AGBL4: variants seen among roughly 807,000 people sequenced by gnomAD.
AGBL4 encodes cytosolic carboxypeptidase 6.
A neutral mutation model predicts 66.4 loss-of-function variants in AGBL4; 58 were observed. The observed-to-expected ratio is 0.87, with a 90% CI of 0.71 to 1.09. The LOEUF (loss-of-function observed/expected upper bound fraction) is 1.09. Ranked by LOEUF, AGBL4 falls within the 50% of genes least tolerant of loss-of-function variation. The probability of loss-of-function intolerance (pLI) is 0.00; values close to 1 mark genes in which losing one functional copy is unlikely to be tolerated. For missense variants in AGBL4, 579 were observed against 631.0 expected (o/e 0.92, Z 0.88); for synonymous variants, 234 against 222.9 (o/e 1.05, Z -0.44).
chr1:48,838,755 A>G (rs1044570976), intron 6 of AGBL4, among the ~76,000 whole-genome samples: 17 of 152,198 alleles, frequency 1.1e-4, no homozygotes, highest in African/African-American at 3.9e-4. Flanking sequence ...GAGACAAACT[A>G]CAGAGTGGGG....
chr1:49,989,592 C>G (rs1172430728), intron 1 of AGBL4, among the ~76,000 whole-genome samples: 1 of 152,100 alleles, frequency 6.6e-6, no homozygotes, highest in Admixed American at 6.6e-5. Context: ...CTCAAAAATG[C>G]CCATAATTGA....
intron 6 of AGBL4, among the ~76,000 whole-genome samples, chr1:48,691,120 T>G: frequency 7.2e-6 from 1 of 139,440 alleles, no homozygotes; most frequent in Non-Finnish European, 1.5e-5. Context: ...ATGGCGTCCC[T>G]GCATTCCAGC....
intron 5 of AGBL4, among the ~76,000 whole-genome samples, chr1:48,867,697 T>A (rs1315856805): frequency 6.6e-6 from 1 of 152,226 alleles, no homozygotes; most frequent in Non-Finnish European, 1.5e-5. Flanking sequence ...GATACTTCTT[T>A]TTAACCAAGA....
At chr1:49,063,676 A>G (rs1172781057) in intron 4 of AGBL4, among the ~76,000 whole-genome samples, 1 of 152,246 alleles carries the variant, frequency 6.6e-6, no homozygotes, top group Non-Finnish European at 1.5e-5. Context: ...AAAAGACAGC[A>G]TAAGGGAATA....
intron 4 of AGBL4, among the ~76,000 whole-genome samples, chr1:49,063,647 G>A (rs1328764602): frequency 2.0e-5 from 3 of 152,166 alleles, no homozygotes; most frequent in African/African-American, 7.2e-5. Flanking sequence ...GGCAGGTGGT[G>A]ACAAGTGATA....
intron 3 of AGBL4, among the ~76,000 whole-genome samples, chr1:49,680,896 T>C (rs917479629): frequency 2.0e-5 from 3 of 151,872 alleles, no homozygotes; most frequent in African/African-American, 7.2e-5. Flanking sequence ...CTGTTGTTTT[T>C]CCTTTTTTTT....
At chr1:48,891,955 G>A (rs1319435707) in intron 5 of AGBL4, among the ~76,000 whole-genome samples, 3 of 152,058 alleles carry the variant, frequency 2.0e-5, no homozygotes, top group African/African-American at 7.2e-5. Flanking sequence ...AATACACATT[G>A]TATTTATTTC....
At chr1:49,118,259 T>C (rs1302040957) in intron 4 of AGBL4, among the ~76,000 whole-genome samples, 5 of 152,206 alleles carry the variant, frequency 3.3e-5, no homozygotes, top group Non-Finnish European at 7.3e-5. Context: ...CTATGTTGAA[T>C]AGGAGTGGTG....
At chr1:48,605,237 G>C (rs938200920) in intron 9 of AGBL4, among the ~76,000 whole-genome samples, 2 of 152,154 alleles carry the variant, frequency 1.3e-5, no homozygotes, top group African/African-American at 4.8e-5. Context: ...CCAAGAGCAT[G>C]AATTATTGGT....
chr1:49,493,169 G>A (rs145397965), intron 3 of AGBL4, among the ~76,000 whole-genome samples: 134 of 152,022 alleles, frequency 8.8e-4, no homozygotes, highest in Non-Finnish European at 1.6e-3. Flanking sequence ...GATGAGATTT[G>A]GGTGGGGACA....
chr1:48,895,524 G>A (rs1268115824), intron 5 of AGBL4, among the ~76,000 whole-genome samples: 1 of 152,236 alleles, frequency 6.6e-6, no homozygotes, highest in Non-Finnish European at 1.5e-5. Context: ...TCCCTAATGA[G>A]CGATGACGAT....
intron 2 of AGBL4, among the ~76,000 whole-genome samples, chr1:49,779,541 G>A (rs138340111): frequency 1.6e-4 from 25 of 152,202 alleles, no homozygotes; most frequent in African/African-American, 6.0e-4. Context: ...AAAGCACTGA[G>A]TAAGAGTGGG....
rs1645639931 is a variant in AGBL4 at position 48,634,593 on chromosome 1, A to G, written c.851T>C (p.Met284Thr). 1 of 1,599,586 alleles carries G rather than the reference A, an allele frequency of 6.3e-7. No individual in the cohort carries two copies. Among genetic ancestry groups the G allele is most frequent in the Non-Finnish European group, 8.5e-7 (1 of 1,172,596 alleles). The change falls in exon 9 of 14, where the codon ATG (methionine) becomes ACG (threonine). Residue 284 changes from methionine to threonine, a missense_variant. Met to Thr is a moderately conservative substitution (Grantham distance 81, BLOSUM62 -1). Coordinates refer to ENST00000371839, the MANE Select transcript of AGBL4 (RefSeq NM_032785.4). ...VYLGNYRCSL[M>T]GFDLNRHWLD... is the part of the protein sequence containing the mutation. ...CCAGTGACGATTCAGATCAAATCCC[A>G]TCAGAGAACACCTAGGCAGTACCCA...
At chr1:48,698,173 C>G (rs1339213939) in intron 6 of AGBL4, among the ~76,000 whole-genome samples, 1 of 152,198 alleles carries the variant, frequency 6.6e-6, no homozygotes, top group African/African-American at 2.4e-5. Context: ...GGGGTGACCT[C>G]AGCTAGGCCA....
At chr1:48,668,511 A>C (rs150117771) in intron 6 of AGBL4, among the ~76,000 whole-genome samples, 267 of 152,030 alleles carry the variant, frequency 1.8e-3, no homozygotes, top group African/African-American at 6.3e-3. Context: ...CCCAGCTAGC[A>C]CTCCATGGTT....
chr1:48,629,964 G>A (rs573675176), intron 9 of AGBL4, among the ~76,000 whole-genome samples: 1 of 152,278 alleles, frequency 6.6e-6, no homozygotes, highest in African/African-American at 2.4e-5. Flanking sequence ...TTCATCATTT[G>A]CTCAACATTT....
intron 6 of AGBL4, among the ~76,000 whole-genome samples, chr1:48,749,701 T>A (rs1050833493): frequency 5.3e-5 from 8 of 152,172 alleles, no homozygotes; most frequent in African/African-American, 1.9e-4. Flanking sequence ...GAATAGGTTG[T>A]CACCTCTAGA....
intron 3 of AGBL4, among the ~76,000 whole-genome samples, chr1:49,261,782 C>A (rs1472949060): frequency 2.0e-5 from 3 of 147,740 alleles, no homozygotes; most frequent in Non-Finnish European, 4.5e-5. Context: ...CTACCAATGA[C>A]TTTCTTCACA....
intron 6 of AGBL4, among the ~76,000 whole-genome samples, chr1:48,709,764 G>A (rs1409722882): frequency 6.6e-6 from 1 of 151,860 alleles, no homozygotes; most frequent in Non-Finnish European, 1.5e-5. Flanking sequence ...ACCACGCCTG[G>A]CTAATTTTTT....
Sources: allele counts gnomAD v4.1 joint callset (sites outside exome capture counted in the v4.1 genomes callset), GRCh38; gene constraint gnomAD v4.1.1; transcripts MANE v1.5; gene names NCBI Gene and HGNC (gene_info 2026-07-23, HGNC 2026-07-21).